The following ANXA8 variants were observed in gnomAD, a reference collection of about 807,000 sequenced individuals.
ANXA8 encodes the protein annexin A8.
A neutral mutation model predicts 26.8 loss-of-function variants in ANXA8; 9 were observed. That is an observed-to-expected ratio of 0.34 (90% confidence interval 0.20 to 0.59). ANXA8 has a LOEUF of 0.59. Among genes scored for constraint, ANXA8 ranks in the 20% least tolerant of loss-of-function variants. ANXA8 has a pLI of 0.84. For missense variants in ANXA8, 83 were observed against 238.5 expected (o/e 0.35, Z 4.29); for synonymous variants, 39 against 94.8 (o/e 0.41, Z 3.42).
At chr10:47,733,246 T>C in the ANXA8 span, among the ~76,000 whole-genome samples, 1 of 86,706 alleles carries the variant, frequency 1.2e-5, no homozygotes, top group Non-Finnish European at 2.3e-5. Flanking sequence ...TTTCTTTCTT[T>C]CTTTCTTTCT....
chr10:47,979,933 T>C, the ANXA8 span, among the ~76,000 whole-genome samples: 2 of 152,166 alleles, frequency 1.3e-5, no homozygotes, highest in African/African-American at 4.8e-5. Context: ...ACTTCTGATC[T>C]TCAGAACCAC....
At chr10:47,700,253 T>C in the ANXA8 span, among the ~76,000 whole-genome samples, 2 of 151,866 alleles carry the variant, frequency 1.3e-5, no homozygotes, top group Admixed American at 1.3e-4. Context: ...TGTTAAAACA[T>C]ACTATAAAGC....
chr10:47,736,307 A>G, the ANXA8 span, among the ~76,000 whole-genome samples: 15 of 49,626 alleles, frequency 3.0e-4, no homozygotes, highest in African/African-American at 1.1e-3. Context: ...ATACCCTGAT[A>G]GAAGACAGAT....
chr10:47,530,392 T>TA, the ANXA8 span, among the ~76,000 whole-genome samples: 2 of 149,016 alleles, frequency 1.3e-5, no homozygotes, highest in East Asian at 4.1e-4. Flanking sequence ...TTTTCTCTCT[T>TA]AAGAGAATAA....
At chr10:47,511,036 C>T in the ANXA8 span, among the ~76,000 whole-genome samples, 4 of 126,346 alleles carry the variant, frequency 3.2e-5, 1 homozygote, top group Non-Finnish European at 6.5e-5. Flanking sequence ...CTCCGCCTCC[C>T]GGGTTCACGC....
chr10:47,660,874 G>A, the ANXA8 span, among the ~76,000 whole-genome samples: 1 of 150,154 alleles, frequency 6.7e-6, no homozygotes, highest in African/African-American at 2.5e-5. Context: ...ATTCCCAAGT[G>A]CTACAGCAGA....
the ANXA8 span, among the ~76,000 whole-genome samples, chr10:47,705,911 A>G: frequency 2.0e-5 from 3 of 149,094 alleles, no homozygotes; most frequent in Non-Finnish European, 4.5e-5. Flanking sequence ...CGTCGCCCCG[A>G]CGCACCCCCC....
chr10:47,565,500 C>T, the ANXA8 span: 3 of 381,218 alleles, frequency 7.9e-6, no homozygotes, highest in South Asian at 1.0e-4. Context: ...CCAGCGACCC[C>T]GGCGAGGCCC....
At chr10:47,562,885 C>T in the ANXA8 span, among the ~76,000 whole-genome samples, 3 of 150,576 alleles carry the variant, frequency 2.0e-5, no homozygotes, top group South Asian at 2.1e-4. Flanking sequence ...TTTAGACATA[C>T]GGTATTTTGA....
the ANXA8 span, among the ~76,000 whole-genome samples, chr10:47,967,939 G>C: frequency 8.4e-6 from 1 of 119,418 alleles, no homozygotes; most frequent in African/African-American, 2.7e-5. Flanking sequence ...GTCATGATCA[G>C]ACTATTACAT....
chr10:47,510,749 G>A, the ANXA8 span, among the ~76,000 whole-genome samples: 7 of 110,540 alleles, frequency 6.3e-5, no homozygotes, highest in South Asian at 1.1e-3. Flanking sequence ...AGAATGGGGC[G>A]AACCCAGGAG....
the ANXA8 span, among the ~76,000 whole-genome samples, chr10:47,918,383 G>GAGAAAGAAAGAAAGAAAGAAAGAA: frequency 9.5e-5 from 1 of 10,498 alleles, no homozygotes. Context: ...GAGAGAGAGA[G>GAGAAAGAAAGAAAGAAAGAAAGAA]AGAAAGAAAG....
At chr10:47,594,035 A>G in the ANXA8 span, among the ~76,000 whole-genome samples, 7 of 146,546 alleles carry the variant, frequency 4.8e-5, no homozygotes, top group African/African-American at 1.9e-4. Context: ...GACTTACACC[A>G]GTGGTTTGCC....
the ANXA8 span, among the ~76,000 whole-genome samples, chr10:47,506,794 C>T: frequency 7.0e-6 from 1 of 143,628 alleles, no homozygotes; most frequent in African/African-American, 2.5e-5. Context: ...TGCGTGCCAC[C>T]ATGCCCAGCT....
the ANXA8 span, among the ~76,000 whole-genome samples, chr10:47,589,974 G>T: frequency 6.9e-6 from 1 of 145,234 alleles, no homozygotes; most frequent in Non-Finnish European, 1.5e-5. Flanking sequence ...TACAGCATCT[G>T]CTTGGTGAAG....
chr10:47,556,456 A>G, the ANXA8 span, among the ~76,000 whole-genome samples: 13 of 151,970 alleles, frequency 8.6e-5, no homozygotes, highest in African/African-American at 3.1e-4. Flanking sequence ...TCCAAGAGGT[A>G]TTTGGTGTGA....
the ANXA8 span, chr10:47,956,095 GC>G: frequency 1.9e-5 from 1 of 51,646 alleles, no homozygotes; most frequent in South Asian, 8.0e-4. Flanking sequence ...GTCTTCTGGG[GC>G]CGTCATGCAC....
chr10:47,701,619 T>C, the ANXA8 span, among the ~76,000 whole-genome samples: 16 of 151,768 alleles, frequency 1.1e-4, 1 homozygote, highest in African/African-American at 3.9e-4. Context: ...GTATGTAGTA[T>C]GCTGTCCTTC....
the ANXA8 span, among the ~76,000 whole-genome samples, chr10:47,777,413 G>T: frequency 1.3e-5 from 2 of 152,178 alleles, no homozygotes; most frequent in South Asian, 4.1e-4. Context: ...TTGGCCTCCC[G>T]AAGTGCTGGG....
Sources: allele counts gnomAD v4.1 joint callset (sites outside exome capture counted in the v4.1 genomes callset), GRCh38; gene constraint gnomAD v4.1.1; transcripts MANE v1.5; gene names NCBI Gene and HGNC (gene_info 2026-07-23, HGNC 2026-07-21).